IGF1: variants seen among roughly 807,000 people sequenced by gnomAD.
IGF1 encodes insulin like growth factor 1.
A neutral mutation model predicts 13.8 loss-of-function variants in IGF1; 4 were observed. The observed-to-expected ratio is 0.29, with a 90% CI of 0.14 to 0.66. The LOEUF (loss-of-function observed/expected upper bound fraction) is 0.66, where lower values mean the gene tolerates loss of function less well. IGF1 is among the 30% of genes least tolerant of loss of function. The pLI is 0.78. For missense variants in IGF1, 124 were observed against 188.5 expected (o/e 0.66, Z 2.00); for synonymous variants, 76 against 72.6 (o/e 1.05, Z -0.23).
At chr12:102,423,856 C>T (rs767236918) in intron 2 of IGF1, among the ~76,000 whole-genome samples, 3 of 152,128 alleles carry the variant, frequency 2.0e-5, no homozygotes, top group African/African-American at 4.8e-5. Flanking sequence ...TGAGATTTAA[C>T]CGGGGTCATC....
At chr12:102,429,990 A>T (rs545951565) in intron 2 of IGF1, among the ~76,000 whole-genome samples, 1 of 152,204 alleles carries the variant, frequency 6.6e-6, no homozygotes, top group Non-Finnish European at 1.5e-5. Flanking sequence ...CTAATGTGAC[A>T]CACAGCTGGG....
At chr12:102,444,352 T>A (rs1878132986) in intron 2 of IGF1, among the ~76,000 whole-genome samples, 1 of 151,886 alleles carries the variant, frequency 6.6e-6, no homozygotes, top group Non-Finnish European at 1.5e-5. Context: ...TTACATCAGT[T>A]TGGGATTAAC....
chr12:102,407,652 A>G (rs1874289769), intron 3 of IGF1, among the ~76,000 whole-genome samples: 1 of 152,158 alleles, frequency 6.6e-6, no homozygotes, highest in Admixed American at 6.5e-5. Context: ...TCAAGTCCAA[A>G]TCACTTTCCA....
rs71303538 is a variant in IGF1, at chr12:102,398,086, T to TAAAAAAAAAAAAAAAA, written c.*4405_*4420dup. The TAAAAAAAAAAAAAAAA allele has an allele frequency of 7.9e-6, 1 of 126,780 alleles. No individual in the cohort carries two copies. 7.9% of individuals were successfully genotyped at this position (126,780 alleles called of 1,614,324 possible). On this transcript the variant is annotated 3_prime_UTR_variant, in exon 4 of 4. Transcript: ENST00000337514. ...AGAAATTCATAAAGACTGTATAAAG[T>TAAAAAAAAAAAAAAAA]AAAAAAAAAAAAAAAACAAAAACAA...
chr12:102,447,960 G>A (rs1408907844), intron 2 of IGF1, among the ~76,000 whole-genome samples: 3 of 151,936 alleles, frequency 2.0e-5, no homozygotes, highest in Non-Finnish European at 4.4e-5. Flanking sequence ...CACAGCAAAA[G>A]AAACTATCAT....
intron 2 of IGF1, among the ~76,000 whole-genome samples, chr12:102,466,976 C>T (rs1880381788): frequency 6.6e-6 from 1 of 152,112 alleles, no homozygotes; most frequent in Non-Finnish European, 1.5e-5. Context: ...ATAGGTTCAG[C>T]AAGGAGGGAG....
At chr12:102,445,092 C>T (rs1460442813) in intron 2 of IGF1, among the ~76,000 whole-genome samples, 2 of 151,816 alleles carry the variant, frequency 1.3e-5, no homozygotes, top group South Asian at 2.1e-4. Context: ...TTCCATTGGT[C>T]GATATATCTG....
At chr12:102,417,547 T>A (rs1171765816) in intron 3 of IGF1, 2 of 1,162,460 alleles carry the variant, frequency 1.7e-6, no homozygotes, top group Non-Finnish European at 2.1e-6. Context: ...TAGTGTGTCT[T>A]TTTTTGCCTC....
chr12:102,468,759 G>A (rs1566004924), intron 2 of IGF1, among the ~76,000 whole-genome samples: 1 of 152,202 alleles, frequency 6.6e-6, no homozygotes, highest in Non-Finnish European at 1.5e-5. Flanking sequence ...ATGCGAAAAC[G>A]ATTTTTTGCC....
chr12:102,438,985 C>T (rs996178250), intron 2 of IGF1, among the ~76,000 whole-genome samples: 5 of 152,204 alleles, frequency 3.3e-5, no homozygotes, highest in African/African-American at 1.2e-4. Context: ...TCTCTGTCCT[C>T]CCCCATACCC....
chr12:102,434,945 C>T (rs1877092852), intron 2 of IGF1, among the ~76,000 whole-genome samples: 1 of 152,096 alleles, frequency 6.6e-6, no homozygotes, highest in East Asian at 1.9e-4. Context: ...TAAATGTCTT[C>T]TCTGTATTTG....
intron 2 of IGF1, among the ~76,000 whole-genome samples, chr12:102,453,583 A>G (rs750676787): frequency 3.3e-5 from 5 of 152,224 alleles, no homozygotes; most frequent in Admixed American, 6.5e-5. Flanking sequence ...TGTATGTACA[A>G]AAAAAGAGAG....
At chr12:102,441,906 G>GCTGCTGCTGCTGCTTCTTCTTCTT in intron 2 of IGF1, among the ~76,000 whole-genome samples, 1,207 of 100,186 alleles carry the variant, frequency 0.012, 84 homozygotes, top group African/African-American at 0.015. Flanking sequence ...CTATTACACT[G>GCTGCTGCTGCTGCTTCTTCTTCTT]CTTCTTCTCC....
intron 3 of IGF1, among the ~76,000 whole-genome samples, chr12:102,412,235 A>G (rs1370643512): frequency 6.6e-6 from 1 of 152,188 alleles, no homozygotes; most frequent in Non-Finnish European, 1.5e-5. Context: ...TGAGAAGACA[A>G]AGGAATCCTG....
At chr12:102,442,935 C>A (rs5742651) in intron 2 of IGF1, among the ~76,000 whole-genome samples, 13 of 152,128 alleles carry the variant, frequency 8.5e-5, no homozygotes, top group South Asian at 6.2e-4. Flanking sequence ...CCTACAGGAA[C>A]CTAATAGGGA....
intron 3 of IGF1, chr12:102,418,060 T>G (rs897094104): frequency 6.4e-7 from 1 of 1,568,336 alleles, no homozygotes; most frequent in Non-Finnish European, 8.7e-7. Flanking sequence ...TGGTGTCCCT[T>G]TGAATGAGCT....
chr12:102,410,495 G>T (rs1410189147), intron 3 of IGF1, among the ~76,000 whole-genome samples: 1 of 152,194 alleles, frequency 6.6e-6, no homozygotes, highest in Non-Finnish European at 1.5e-5. Context: ...ATGTGCTAAA[G>T]ATTCAGCACA....
chr12:102,405,067 T>C (rs868441815), intron 3 of IGF1, among the ~76,000 whole-genome samples: 1 of 147,760 alleles, frequency 6.8e-6, no homozygotes, highest in South Asian at 2.2e-4. Context: ...TAATCTTCCA[T>C]TGGGTTCTGC....
chr12:102,415,194 GGT>G (rs1361369833), intron 3 of IGF1, among the ~76,000 whole-genome samples: 1 of 151,840 alleles, frequency 6.6e-6, no homozygotes, highest in African/African-American at 2.4e-5. Flanking sequence ...TTGTTTTTAT[GGT>G]GTGTCTTTCT....
Sources: gnomAD v4.1 joint callset for allele counts (sites outside exome capture counted in the v4.1 genomes callset) on GRCh38, gnomAD v4.1.1 for gene constraint, MANE v1.5 for transcripts, NCBI Gene and HGNC (gene_info 2026-07-23, HGNC 2026-07-21) for gene names.